Variants in STARD13 observed in about 807,000 individuals in gnomAD.
The protein encoded by STARD13 is StAR related lipid transfer domain containing 13, also known as stAR-related lipid transfer protein 13.
STARD13 carries 62 observed loss-of-function variants against 106.4 expected under a neutral mutation model. The ratio of observed to expected loss-of-function variants is 0.58; its 90% CI spans 0.48 to 0.72. The LOEUF (loss-of-function observed/expected upper bound fraction) is 0.72. Ranked by LOEUF, STARD13 falls within the 30% of genes least tolerant of loss-of-function variation. STARD13 has a pLI of 0.00. For missense variants in STARD13, 1,387 were observed against 1,424.0 expected, an observed-to-expected ratio of 0.97 and a Z score of 0.42; for synonymous variants, 565 against 553.0, an observed-to-expected ratio of 1.02 and a Z score of -0.31.
the STARD13 span, among the ~76,000 whole-genome samples, chr13:33,380,630 G>A: frequency 1.3e-5 from 2 of 151,942 alleles, no homozygotes; most frequent in African/African-American, 2.4e-5. Context: ...GAGAGGATCT[G>A]GTAAACAGAT....
chr13:33,146,017 G>C (rs559607749), intron 3 of STARD13, among the ~76,000 whole-genome samples: 104 of 151,812 alleles, frequency 6.9e-4, no homozygotes, highest in Non-Finnish European at 1.2e-3. Flanking sequence ...AGGCCCTGTC[G>C]CTACAAAAAA....
At chr13:33,444,934 T>G in the STARD13 span, among the ~76,000 whole-genome samples, 21 of 152,330 alleles carry the variant, frequency 1.4e-4, no homozygotes, top group East Asian at 4.1e-3. Context: ...TATTTTATGA[T>G]AAGGCTGGAT....
At chr13:33,107,891 C>G (rs1400725847) in intron 12 of STARD13, among the ~76,000 whole-genome samples, 1 of 152,146 alleles carries the variant, frequency 6.6e-6, no homozygotes, top group Non-Finnish European at 1.5e-5. Flanking sequence ...ATGATTTACT[C>G]CACAAATTCT....
chr13:33,211,401 G>C (rs956575503), intron 1 of STARD13, among the ~76,000 whole-genome samples: 16 of 152,170 alleles, frequency 1.1e-4, no homozygotes, highest in African/African-American at 3.6e-4. Flanking sequence ...ACTATTAACA[G>C]TTTGGTGTGT....
chr13:33,581,455 A>G, the STARD13 span, among the ~76,000 whole-genome samples: 1 of 152,206 alleles, frequency 6.6e-6, no homozygotes, highest in African/African-American at 2.4e-5. Flanking sequence ...TACATTCTAT[A>G]TAAAAATAAG....
chr13:33,219,512 CCTT>C (rs1295920989), intron 1 of STARD13, among the ~76,000 whole-genome samples: 9 of 108,924 alleles, frequency 8.3e-5, no homozygotes, highest in Non-Finnish European at 3.5e-5. Context: ...GAGTGAGACT[CCTT>C]CTCAAAAAAA....
chr13:33,499,772 T>C, the STARD13 span, among the ~76,000 whole-genome samples: 2 of 143,802 alleles, frequency 1.4e-5, no homozygotes, highest in Non-Finnish European at 3.0e-5. Context: ...TTTTTTTTTT[T>C]TTTTTTTTTA....
chr13:33,113,294 G>T, intron 8 of STARD13: 1 of 371,930 alleles, frequency 2.7e-6, no homozygotes, highest in Non-Finnish European at 5.2e-6. Context: ...TGTCAACCTG[G>T]CATCCCTCTT....
chr13:33,366,184 A>G, the STARD13 span, among the ~76,000 whole-genome samples: 1 of 152,100 alleles, frequency 6.6e-6, no homozygotes, highest in Admixed American at 6.6e-5. This position sits in a 1 kb window ranked among gnomAD's most constrained non-coding sequence, Gnocchi z 4.2. Flanking sequence ...ACTTATATGT[A>G]TATATTACTG....
At chr13:33,653,898 TA>T in the STARD13 span, among the ~76,000 whole-genome samples, 5 of 152,128 alleles carry the variant, frequency 3.3e-5, no homozygotes, top group East Asian at 1.9e-4. Context: ...CTAAATAACA[TA>T]TACAAATGGC....
chr13:33,126,184 A>G lies in STARD13; in HGVS notation c.1979T>C (p.Val660Ala). 6.2e-7 allele frequency: 1 copy of G among 1,614,218 alleles called. No homozygotes were observed. The highest frequency in any genetic ancestry group is 8.5e-7 in the Non-Finnish European group (1 of 1,180,048). Residue 660 changes from valine to alanine, a missense_variant, in exon 7 of 14, where the codon GTC (valine) becomes GCC (alanine). Physicochemically the swap from Val to Ala is moderately conservative, Grantham distance 64. Coordinates refer to ENST00000336934, the MANE Select transcript of STARD13 (RefSeq NM_178006.4). Reference protein sequence around the residue: ...MKVPDYKDKAVFGVPLIVHVQ... With the variant: ...MKVPDYKDKAAFGVPLIVHVQ... ...GTGGACTATGAGAGGAACGCCAAAG[A>G]CAGCCTTGTCTTTGTAGTCGGGAAC... is the stretch of plus-strand genomic sequence containing the variant.
At chr13:33,542,222 T>A in the STARD13 span, among the ~76,000 whole-genome samples, 2 of 152,164 alleles carry the variant, frequency 1.3e-5, no homozygotes, top group Non-Finnish European at 2.9e-5. Flanking sequence ...CACTGAAAGA[T>A]GAACAGACCG....
the STARD13 span, chr13:33,524,114 A>G: frequency 2.5e-6 from 1 of 398,264 alleles, no homozygotes. Context: ...GTTAAGTTTG[A>G]AAAAACAAAC....
At chr13:33,244,688 C>T (rs1194285376) in intron 1 of STARD13, among the ~76,000 whole-genome samples, 1 of 152,092 alleles carries the variant, frequency 6.6e-6, no homozygotes, top group Non-Finnish European at 1.5e-5. Context: ...GGATAAGAGA[C>T]CACATGTAGA....
At chr13:33,609,085 CA>C in the STARD13 span, among the ~76,000 whole-genome samples, 781 of 50,608 alleles carry the variant, frequency 0.015, 4 homozygotes, top group South Asian at 0.04. Flanking sequence ...GACTCCGTCT[CA>C]AAAAAAAAAA....
At chr13:33,288,366 G>T (rs1892155654), upstream of STARD13, among the ~76,000 whole-genome samples, 1 of 151,870 alleles carries the variant, frequency 6.6e-6, no homozygotes, top group African/African-American at 2.4e-5. Context: ...CAACTCCTGG[G>T]CTCAAGTGAT....
In STARD13 at chr13:33,130,004, C is replaced by T. The variant is rs779758028; in HGVS notation, c.673G>A (p.Ala225Thr). Residue 225 changes from alanine (A) to threonine (T), a missense_variant, in exon 5 of 14, where the codon GCC becomes ACC. Physicochemically the swap from Ala to Thr is moderately conservative, Grantham distance 58. Transcript: ENST00000336934. This position sits in a 1 kb window ranked among gnomAD's most constrained non-coding sequence, Gnocchi z 4.1. ...CCTDNPVMLD[A>T]PLVSSSLPQP... Reference sequence around the variant, plus strand: ...GGGAGGCTGCTGCTGACGAGTGGGGCATCCAGCATGACCGGGTTGTCTGTA... The same window carrying T: ...GGGAGGCTGCTGCTGACGAGTGGGGTATCCAGCATGACCGGGTTGTCTGTA... The T allele has an allele frequency of 1.9e-6, 3 of 1,612,924 alleles. No homozygotes were observed. The South Asian group carries it at 3.3e-5, about 18-fold the overall frequency.
the STARD13 span, among the ~76,000 whole-genome samples, chr13:33,503,948 A>G: frequency 5.3e-5 from 8 of 152,230 alleles, no homozygotes; most frequent in Non-Finnish European, 7.3e-5. Context: ...GGCAAAGTAT[A>G]TGAACAGACT....
chr13:33,185,894 G>A (rs756073378), intron 1 of STARD13: 1 of 1,614,212 alleles, frequency 6.2e-7, no homozygotes, highest in Non-Finnish European at 8.5e-7. Context: ...GCTGGAATGT[G>A]TGGTTCACTC....
Sources: allele counts gnomAD v4.1 joint callset (sites outside exome capture counted in the v4.1 genomes callset), GRCh38; gene constraint gnomAD v4.1.1; non-coding constraint Gnocchi (gnomAD v3.1); transcripts MANE v1.5; gene names NCBI Gene and HGNC (gene_info 2026-07-23, HGNC 2026-07-21).